The following EPB41L3 variants were observed in gnomAD, a reference collection of about 807,000 sequenced individuals.
The protein encoded by EPB41L3 is band 4.1-like protein 3.
In EPB41L3, 57 loss-of-function variants were observed where a neutral mutation model predicts 127.1. That is an observed-to-expected ratio of 0.45 (90% confidence interval 0.36 to 0.56). EPB41L3 has a LOEUF of 0.56. Among genes scored for constraint, EPB41L3 ranks in the 20% least tolerant of loss-of-function variants. The pLI is 0.00. For missense variants in EPB41L3, 1,273 were observed against 1,372.2 expected (o/e 0.93, Z 1.14); for synonymous variants, 572 against 549.5 (o/e 1.04, Z -0.57).
At chr18:5,548,382 A>G (rs1416268907), upstream of EPB41L3, among the ~76,000 whole-genome samples, 1 of 152,240 alleles carries the variant, frequency 6.6e-6, no homozygotes, top group African/African-American at 2.4e-5. Context: ...CATGCAAGGC[A>G]CAGATGCAAA....
At chr18:5,418,569 AAAC>A (rs1379508070) in intron 12 of EPB41L3, among the ~76,000 whole-genome samples, 1 of 152,224 alleles carries the variant, frequency 6.6e-6, no homozygotes, top group African/African-American at 2.4e-5. Flanking sequence ...AAGAGTGTAA[AAAC>A]AAAATTTAGA....
At chr18:5,457,801 C>T (rs902412526) in intron 3 of EPB41L3, among the ~76,000 whole-genome samples, 5 of 152,150 alleles carry the variant, frequency 3.3e-5, no homozygotes, top group South Asian at 2.1e-4. Flanking sequence ...TCTACCCGTT[C>T]GTCCTTCTCT....
chr18:5,491,420 T>A (rs1369994085), intron 1 of EPB41L3, among the ~76,000 whole-genome samples: 1 of 152,236 alleles, frequency 6.6e-6, no homozygotes, highest in African/African-American at 2.4e-5. Context: ...TTTAGTGTTA[T>A]CAGCCTAGTC....
intron 3 of EPB41L3, among the ~76,000 whole-genome samples, chr18:5,457,162 G>A (rs2083226776): frequency 1.4e-5 from 1 of 73,980 alleles, no homozygotes; most frequent in African/African-American, 3.4e-5. Flanking sequence ...GATAGGTACA[G>A]CCTTTTCCTG....
At position 5,433,698 on chromosome 18, in the gene EPB41L3, G is replaced by T. The variant is rs2079323738; in HGVS notation, c.825-142C>A. The T allele has an allele frequency of 3.3e-6, 3 of 901,116 alleles. No individual in the cohort carries two copies. The East Asian group carries it at 7.9e-5, about 24-fold the overall frequency. 55.8% of individuals were successfully genotyped at this position (901,116 alleles called of 1,614,324 possible). A position where few individuals can be genotyped will look rare whatever the true frequency, so the allele number is the denominator to read the frequency against. Reference sequence around the variant, plus strand: ...CATGAGAAAAGAATAACAAGAAAAAGGGCTTTGCAAGAAAGCACTACAAAC... The same window carrying T: ...CATGAGAAAAGAATAACAAGAAAAATGGCTTTGCAAGAAAGCACTACAAAC... On this transcript the variant is annotated intron_variant, in intron 7 of 22. Transcript: ENST00000341928.
At chr18:5,551,932 T>C (rs985502336) in intron 3 of EPB41L3, among the ~76,000 whole-genome samples, 3 of 152,204 alleles carry the variant, frequency 2.0e-5, no homozygotes, top group Non-Finnish European at 4.4e-5. Flanking sequence ...CAGCAGTATC[T>C]TTCAGCATTC....
At chr18:5,626,938 C>G (rs184725627) in intron 1 of EPB41L3, among the ~76,000 whole-genome samples, 354 of 152,154 alleles carry the variant, frequency 2.3e-3, no homozygotes, top group Non-Finnish European at 4.2e-3. Context: ...AAAGAAGAAA[C>G]AGAGAGAGAT....
In EPB41L3 at chr18:5,593,879, G is replaced by A. The variant is rs370908832; in HGVS notation, c.-306+18461C>T. On this transcript the variant is annotated intron_variant, in intron 3 of 21. Transcript: ENST00000545076. ...AAGAAGAGAAATATGGCTCTGTTCC[G>A]CCCGGCTCACCGGCGGTCAGAGTTT... Among the ~76,000 whole-genome samples, 57 of 152,234 alleles carry A rather than the reference G, an allele frequency of 3.7e-4. No homozygotes were observed. The East Asian group carries it at 5.4e-3, about 14-fold the overall frequency.
chr18:5,574,310 G>T (rs2094314937), intron 3 of EPB41L3, among the ~76,000 whole-genome samples: 1 of 150,808 alleles, frequency 6.6e-6, no homozygotes, highest in Middle Eastern at 3.2e-3. Flanking sequence ...GGACTCAAAT[G>T]ATCCTCCAAC....
rs945752024 is a variant in EPB41L3, at chr18:5,433,494, T to C, written c.887A>G (p.Tyr296Cys). The part of the protein sequence containing the change: ...FLENAKKLSM[Y>C]GVDLHHAKDS... The stretch of plus-strand genomic sequence containing the variant: ...CTTAGCATGATGTAAATCTACCCCA[T>C]ACATTGATAATTTTTTGGCATTTTC... The change falls in exon 8 of 23, where the codon TAT (tyrosine) becomes TGT (cysteine). Residue 296 changes from tyrosine (Y) to cysteine (C), a missense_variant. Coordinates refer to ENST00000341928, the MANE Select transcript of EPB41L3 (RefSeq NM_012307.5). 2.5e-6 allele frequency: 4 copies of C among 1,613,528 alleles called. No homozygotes were observed. Among genetic ancestry groups the C allele is most frequent in the Non-Finnish European group, 3.4e-6 (4 of 1,179,670 alleles).
intron 1 of EPB41L3, among the ~76,000 whole-genome samples, chr18:5,624,302 T>C (rs570512117): frequency 6.6e-6 from 1 of 152,350 alleles, no homozygotes; most frequent in South Asian, 2.1e-4. Context: ...GCCTCGCTCA[T>C]GTATTTAGGA....
At chr18:5,454,399 G>A (rs1031974814) in intron 3 of EPB41L3, among the ~76,000 whole-genome samples, 1 of 151,790 alleles carries the variant, frequency 6.6e-6, no homozygotes, top group African/African-American at 2.4e-5. Context: ...TGCCTTTTTG[G>A]GCTGTCTCAA....
chr18:5,514,256 T>A (rs2092663319), intron 1 of EPB41L3, among the ~76,000 whole-genome samples: 1 of 152,234 alleles, frequency 6.6e-6, no homozygotes, highest in Non-Finnish European at 1.5e-5. Context: ...AGTGCAAAGT[T>A]CATCTTCCCT....
intron 6 of EPB41L3, 129 bp from the exon 7 acceptor site, chr18:5,434,250 C>T (rs748985322): frequency 3.4e-5 from 23 of 666,920 alleles, no homozygotes; most frequent in South Asian, 1.3e-4. Flanking sequence ...AATTTTCTAG[C>T]GTCTATATAT....
At chr18:5,488,582 G>A (rs8093344) in intron 2 of EPB41L3, among the ~76,000 whole-genome samples, 13,952 of 148,580 alleles carry the variant, frequency 0.094, 1,446 homozygotes, top group African/African-American at 0.25. Context: ...TGATGATGAT[G>A]ATAATAATAA....
At chr18:5,487,187 G>A (rs1201081595) in intron 2 of EPB41L3, among the ~76,000 whole-genome samples, 1 of 152,008 alleles carries the variant, frequency 6.6e-6, no homozygotes, top group Non-Finnish European at 1.5e-5. Context: ...CAACACGGAT[G>A]GAACTACAGG....
chr18:5,451,228 A>G (rs968361239), intron 3 of EPB41L3, among the ~76,000 whole-genome samples: 1 of 152,198 alleles, frequency 6.6e-6, no homozygotes, highest in Non-Finnish European at 1.5e-5. Flanking sequence ...CAAGATGATG[A>G]GTTGGCTCCC....
chr18:5,407,794 T>C (rs367590513), intron 14 of EPB41L3, 58 bp from the exon 15 acceptor site: 436 of 1,528,750 alleles, frequency 2.9e-4, no homozygotes, highest in Non-Finnish European at 1.4e-4. Context: ...ACTCTAAGAT[T>C]GAAGAACTAT....
At chr18:5,485,219 T>G (rs548290241) in intron 2 of EPB41L3, among the ~76,000 whole-genome samples, 120 of 152,048 alleles carry the variant, frequency 7.9e-4, no homozygotes, top group African/African-American at 2.9e-3. Flanking sequence ...ACATGATACA[T>G]CACATTAACA....
Sources: allele counts gnomAD v4.1 joint callset (sites outside exome capture counted in the v4.1 genomes callset), GRCh38; gene constraint gnomAD v4.1.1; transcripts MANE v1.5; gene names NCBI Gene and HGNC (gene_info 2026-07-23, HGNC 2026-07-21).